The following CEP162 variants were observed in gnomAD, a reference collection of about 807,000 sequenced individuals.
CEP162 encodes the protein centrosomal protein 162, also known as centrosomal protein of 162 kDa.
Under a neutral mutation model 169.2 loss-of-function variants are expected in CEP162, and 141 were observed. The observed-to-expected ratio is 0.83, with a 90% CI of 0.73 to 0.96. CEP162 has a LOEUF of 0.96. Among genes scored for constraint, CEP162 ranks in the 40% least tolerant of loss-of-function variants. CEP162 has a pLI of 0.00. For synonymous variants in CEP162, 540 were observed against 526.4 expected (o/e 1.03, Z -0.35); for missense variants, 1,600 against 1,587.2 (o/e 1.01, Z -0.14).
At chr6:84,130,220 G>A (rs1053849259) in intron 25 of CEP162, among the ~76,000 whole-genome samples, 3 of 152,276 alleles carry the variant, frequency 2.0e-5, no homozygotes, top group Middle Eastern at 3.4e-3. Flanking sequence ...CTTGATCATG[G>A]TGGATAAGCT....
chr6:84,205,790 G>T (rs1038172600), intron 6 of CEP162, among the ~76,000 whole-genome samples: 1 of 151,672 alleles, frequency 6.6e-6, no homozygotes, highest in African/African-American at 2.4e-5. Context: ...GTCCCTGTTT[G>T]CAGATGACAT....
chr6:84,133,807 G>A (rs1482583135), intron 25 of CEP162, among the ~76,000 whole-genome samples: 3 of 152,076 alleles, frequency 2.0e-5, no homozygotes, highest in African/African-American at 4.8e-5. Context: ...GACCCCTTGC[G>A]CTTCCTGGGT....
intron 5 of CEP162, among the ~76,000 whole-genome samples, chr6:84,213,399 C>T (rs1049902239): frequency 6.6e-6 from 1 of 152,084 alleles, no homozygotes; most frequent in Non-Finnish European, 1.5e-5. Flanking sequence ...CATATGAAAG[C>T]CAGAAAAAAA....
intron 25 of CEP162, among the ~76,000 whole-genome samples, chr6:84,138,422 T>C (rs553342042): frequency 6.6e-6 from 1 of 152,162 alleles, no homozygotes; most frequent in Non-Finnish European, 1.5e-5. Flanking sequence ...ATAGTTCATA[T>C]TTCCACCACC....
intron 25 of CEP162, among the ~76,000 whole-genome samples, chr6:84,131,564 CTCT>C (rs1217165479): frequency 1.3e-5 from 2 of 152,160 alleles, no homozygotes; most frequent in African/African-American, 4.8e-5. Flanking sequence ...GGATAGTTAG[CTCT>C]TCTTGTTGAA....
intron 7 of CEP162, among the ~76,000 whole-genome samples, chr6:84,203,672 G>A (rs1335199824): frequency 6.6e-6 from 1 of 152,070 alleles, no homozygotes; most frequent in Non-Finnish European, 1.5e-5. Flanking sequence ...GGTTGTCCTT[G>A]AGCTCGTGGG....
chr6:84,191,160 GAA>G (rs952057880), intron 11 of CEP162, among the ~76,000 whole-genome samples: 1 of 137,980 alleles, frequency 7.2e-6, no homozygotes, highest in Non-Finnish European at 1.6e-5. Context: ...CTGTTCAAAA[GAA>G]AAAAAAAAAA....
At chr6:84,133,972 C>T (rs1240533286) in intron 25 of CEP162, among the ~76,000 whole-genome samples, 2 of 152,134 alleles carry the variant, frequency 1.3e-5, no homozygotes, top group South Asian at 2.1e-4. Flanking sequence ...TGGAGCTGTT[C>T]CTCTTTGGCC....
chr6:84,132,868 G>T (rs1323312100), intron 25 of CEP162, among the ~76,000 whole-genome samples: 1 of 151,946 alleles, frequency 6.6e-6, no homozygotes, highest in Non-Finnish European at 1.5e-5. Flanking sequence ...AGTCATTCTT[G>T]GTCCAGCTTT....
At chr6:84,190,489 C>T (rs957582751) in intron 11 of CEP162, among the ~76,000 whole-genome samples, 25 of 152,288 alleles carry the variant, frequency 1.6e-4, no homozygotes, top group Admixed American at 8.5e-4. Context: ...TTCGGGTCCA[C>T]GCTGCTTTTA....
chr6:84,160,951 T>G, intron 20 of CEP162, 35 bp from the exon 21 acceptor site: 1 of 1,380,258 alleles, frequency 7.2e-7, no homozygotes, highest in Non-Finnish European at 1.0e-6. Flanking sequence ...AAGAAGCATA[T>G]GTAAACATAA....
intron 13 of CEP162, among the ~76,000 whole-genome samples, chr6:84,180,977 C>A (rs2099534568): frequency 2.0e-5 from 3 of 152,220 alleles, no homozygotes; most frequent in African/African-American, 4.8e-5. Context: ...ACTTTCTTCA[C>A]AGAATTGGAA....
At chr6:84,163,606 C>A (rs2129210894) in intron 18 of CEP162, among the ~76,000 whole-genome samples, 1 of 151,808 alleles carries the variant, frequency 6.6e-6, no homozygotes, top group East Asian at 1.9e-4. Flanking sequence ...CCTCTGGCCC[C>A]TACAGTCTAT....
chr6:84,198,635 A>T (rs967413035), intron 9 of CEP162, among the ~76,000 whole-genome samples: 1 of 152,144 alleles, frequency 6.6e-6, no homozygotes, highest in African/African-American at 2.4e-5. Context: ...CAAAGCCAAC[A>T]AGTGTTTATA....
At chr6:84,185,079 T>C in intron 13 of CEP162, 108 bp downstream of exon 13, 1 of 998,394 alleles carries the variant, frequency 1.0e-6, no homozygotes, top group Non-Finnish European at 1.5e-6. Flanking sequence ...GGTCAAGCCC[T>C]GTTGCCTCCT....
chr6:84,172,854 GAAGT>G (rs1299368956), intron 16 of CEP162, among the ~76,000 whole-genome samples: 2 of 152,072 alleles, frequency 1.3e-5, no homozygotes, highest in African/African-American at 4.8e-5. Flanking sequence ...AGAAAGGAGA[GAAGT>G]AAGAAAAAAG....
intron 25 of CEP162, among the ~76,000 whole-genome samples, chr6:84,141,498 C>T (rs891010535): frequency 6.6e-6 from 1 of 152,174 alleles, no homozygotes; most frequent in Non-Finnish European, 1.5e-5. Flanking sequence ...ATCTTCCGAT[C>T]TCTGGGTCCC....
intron 22 of CEP162, among the ~76,000 whole-genome samples, chr6:84,154,981 CT>C (rs2099522588): frequency 6.6e-6 from 1 of 152,046 alleles, no homozygotes; most frequent in African/African-American, 2.4e-5. Context: ...ATGGTAATTT[CT>C]TTTTTCCTTT....
intron 7 of CEP162, among the ~76,000 whole-genome samples, chr6:84,203,421 A>C (rs1328055373): frequency 1.3e-5 from 2 of 152,234 alleles, no homozygotes; most frequent in Admixed American, 6.5e-5. Context: ...AGCTTAACTT[A>C]AGCTTAACTT....
Sources: allele counts gnomAD v4.1 joint callset (sites outside exome capture counted in the v4.1 genomes callset), GRCh38; gene constraint gnomAD v4.1.1; transcripts MANE v1.5; gene names NCBI Gene and HGNC (gene_info 2026-07-23, HGNC 2026-07-21).